Variants in C12orf76 observed in about 807,000 individuals in gnomAD.
C12orf76 encodes the protein uncharacterized protein C12orf76.
A neutral mutation model predicts 6.8 loss-of-function variants in C12orf76; 6 were observed. That is an observed-to-expected ratio of 0.88 (90% CI 0.48 to 1.73). C12orf76 has a LOEUF of 1.73. Ranked by LOEUF, C12orf76 falls within the 40% of genes most tolerant of loss-of-function variation. The pLI is 0.01. For missense variants in C12orf76, 99 were observed against 98.2 expected, an observed-to-expected ratio of 1.01 and a Z score of -0.03; for synonymous variants, 56 against 43.7, an observed-to-expected ratio of 1.28 and a Z score of -1.11.
chr12:110,064,367 CAG>C (rs1892825480), intron 2 of C12orf76, among the ~76,000 whole-genome samples: 1 of 152,108 alleles, frequency 6.6e-6, no homozygotes, highest in South Asian at 2.1e-4. Flanking sequence ...ACTCATAATA[CAG>C]AGAGTTCCCC....
upstream of C12orf76, chr12:110,050,767 C>G (rs1419405922): frequency 3.5e-6 from 2 of 571,802 alleles, no homozygotes; most frequent in Non-Finnish European, 6.2e-6. Context: ...ATGGAGTAGC[C>G]ATTCTTTTAT....
upstream of C12orf76, chr12:110,050,881 A>G (rs1052036577): frequency 1.6e-6 from 1 of 624,388 alleles, no homozygotes; most frequent in Admixed American, 2.5e-5. Context: ...CTGGATCGGG[A>G]CCCTTTTCCT....
chr12:110,042,219 G>A lies in C12orf76; in HGVS notation c.*155C>T. ...CAGTGTTAGGAAAAAATAATGTCTA[G>A]TACATGTTTTCTTCTAATTCATTTA... On this transcript the variant is annotated 3_prime_UTR_variant, in exon 2 of 2. Transcript: ENST00000615315. 1.6e-6 allele frequency: 1 copy of A among 632,548 alleles called. No individual in the cohort carries two copies. The highest frequency in any genetic ancestry group is 2.9e-6 in the Non-Finnish European group (1 of 348,676). 39.2% of individuals were successfully genotyped at this position (632,548 alleles called of 1,614,324 possible).
upstream of C12orf76, among the ~76,000 whole-genome samples, chr12:110,052,198 CTT>C (rs535081029): frequency 1.5e-5 from 2 of 134,332 alleles, no homozygotes. Flanking sequence ...GCCCGGCCTT[CTT>C]TTTTTTTTTT....
upstream of C12orf76, chr12:110,051,177 G>A (rs1487121775): frequency 1.3e-6 from 1 of 778,516 alleles, no homozygotes; most frequent in Non-Finnish European, 2.4e-6. Context: ...TAAATGGCAG[G>A]CACAGGAAAG....
chr12:110,051,278 C>T (rs747546688), upstream of C12orf76: 23 of 718,202 alleles, frequency 3.2e-5, no homozygotes, highest in Admixed American at 2.2e-4. Context: ...GACTTGCTTC[C>T]GTGTGACTCG....
At chr12:110,066,726 G>A (rs1362780156) in intron 1 of C12orf76, among the ~76,000 whole-genome samples, 1 of 151,966 alleles carries the variant, frequency 6.6e-6, no homozygotes, top group African/African-American at 2.4e-5. Flanking sequence ...GAGGGGCCAC[G>A]CTTGAGTTGG....
At position 110,063,602 on chromosome 12, in the gene C12orf76, T is replaced by TTTTATTTATTTA. The variant is rs147216427; in HGVS notation, n.380+2246_380+2257dup. Among the ~76,000 whole-genome samples the TTTTATTTATTTA allele has an allele frequency of 5.4e-3, 754 of 138,758 alleles. 7 individuals are homozygous for TTTTATTTATTTA. The highest frequency in any genetic ancestry group is 8.8e-3 in the African/African-American group (325 of 37,140). The allele number at this position is 138,758 out of a possible 152,430, so 91.0% of individuals were successfully genotyped here. On this transcript the variant is annotated intron_variant and non_coding_transcript_variant, in intron 2 of 4. Coordinates refer to the C12orf76 transcript ENST00000309050. ...ACCACGCCTGGTGAGGGATTTTTAT[T>TTTTATTTATTTA]TTTATTTATTTATTTATTTATTTAT...
At chr12:110,061,221 A>T (rs1301406027) in intron 2 of C12orf76, among the ~76,000 whole-genome samples, 1 of 151,920 alleles carries the variant, frequency 6.6e-6, no homozygotes, top group East Asian at 1.9e-4. Context: ...TTCCACCCCA[A>T]ATTGGCTCTT....
intron 2 of C12orf76, among the ~76,000 whole-genome samples, chr12:110,060,966 C>G (rs1414671983): frequency 6.6e-6 from 1 of 151,458 alleles, no homozygotes; most frequent in Non-Finnish European, 1.5e-5. Context: ...GCCCGGGAGG[C>G]GGAGGATGCA....
At chr12:110,063,187 G>T (rs1298811814) in intron 2 of C12orf76, among the ~76,000 whole-genome samples, 1 of 150,266 alleles carries the variant, frequency 6.7e-6, no homozygotes. Flanking sequence ...TGATCCGCCC[G>T]CCTCAGCCTC....
intron 1 of C12orf76, among the ~76,000 whole-genome samples, chr12:110,043,763 G>A (rs527447204): frequency 6.6e-6 from 1 of 151,900 alleles, no homozygotes; most frequent in Non-Finnish European, 1.5e-5. Flanking sequence ...GCTGAGGCAG[G>A]AGAATTGCTT....
chr12:110,050,867 G>C, upstream of C12orf76: 2 of 612,030 alleles, frequency 3.3e-6, no homozygotes, highest in Non-Finnish European at 5.8e-6. Flanking sequence ...CCCCCTCTTG[G>C]GGTCTGGATC....
At chr12:110,056,948 T>C (rs1892678730) in intron 4 of C12orf76, 1 of 488,272 alleles carries the variant, frequency 2.0e-6, no homozygotes, top group Non-Finnish European at 3.7e-6. Context: ...CTCGAATATG[T>C]CTTTATTAGC....
intron 1 of C12orf76, among the ~76,000 whole-genome samples, chr12:110,043,412 ATTGT>A (rs1892368190): frequency 1.3e-5 from 2 of 152,088 alleles, no homozygotes; most frequent in African/African-American, 4.8e-5. Flanking sequence ...TGTGTGGAGA[ATTGT>A]TTGACTATAG....
chr12:110,062,179 G>A (rs574054298), intron 2 of C12orf76, among the ~76,000 whole-genome samples: 60 of 152,220 alleles, frequency 3.9e-4, no homozygotes, highest in African/African-American at 1.3e-3. Flanking sequence ...TAGGAGAATC[G>A]TTTGAACCCA....
chr12:110,067,181 AT>A (rs1224949797), intron 1 of C12orf76, among the ~76,000 whole-genome samples: 2 of 152,214 alleles, frequency 1.3e-5, no homozygotes, highest in Non-Finnish European at 2.9e-5. Flanking sequence ...AATCTAAAGA[AT>A]TCTCCTAGGT....
At chr12:110,051,207 A>C (rs768156739), upstream of C12orf76, 111 of 774,732 alleles carry the variant, frequency 1.4e-4, no homozygotes, top group Non-Finnish European at 2.3e-4. Context: ...GAGGCATAGC[A>C]CAGTGGGGTG....
intron 2 of C12orf76, among the ~76,000 whole-genome samples, chr12:110,064,853 G>C (rs532750013): frequency 6.6e-6 from 1 of 152,288 alleles, no homozygotes; most frequent in Admixed American, 6.5e-5. Context: ...TGGGAGGCTG[G>C]GCTGGGGCGG....
Sources: allele counts gnomAD v4.1 joint callset (sites outside exome capture counted in the v4.1 genomes callset), GRCh38; gene constraint gnomAD v4.1.1; transcripts MANE v1.5; gene names NCBI Gene and HGNC (gene_info 2026-07-23, HGNC 2026-07-21).